Variants in NREP observed in about 807,000 individuals in gnomAD.
NREP encodes the protein neuronal regeneration related protein, also known as neuronal regeneration-related protein.
Under a neutral mutation model 8.6 loss-of-function variants are expected in NREP, and 5 were observed. The observed-to-expected ratio is 0.58, with a 90% CI of 0.30 to 1.22. The LOEUF (loss-of-function observed/expected upper bound fraction) is 1.22. Among genes scored for constraint, NREP ranks in the 50% most tolerant of loss-of-function variants. The pLI is 0.07. For synonymous variants in NREP, 27 were observed against 28.0 expected, an observed-to-expected ratio of 0.96 and a Z score of 0.11; for missense variants, 86 against 82.5, an observed-to-expected ratio of 1.04 and a Z score of -0.17.
chr5:111,859,778 C>A (rs960711894), intron 2 of NREP, among the ~76,000 whole-genome samples: 1 of 152,012 alleles, frequency 6.6e-6, no homozygotes. Flanking sequence ...CTTTATCTGT[C>A]CAGTCTTTTT....
intron 3 of NREP, chr5:111,731,834 A>G (rs941773145): frequency 1.3e-5 from 2 of 152,378 alleles, no homozygotes; most frequent in Non-Finnish European, 2.9e-5. Context: ...CTTCCCGGAC[A>G]CACTGCTGCA....
chr5:111,964,890 A>AAAAAAAAAAAAAT, intron 2 of NREP, among the ~76,000 whole-genome samples: 1 of 135,848 alleles, frequency 7.4e-6, no homozygotes, highest in Non-Finnish European at 1.5e-5. Flanking sequence ...AAAAAAAAAA[A>AAAAAAAAAAAAAT]AAAAAGAAAC....
chr5:111,975,024 TG>T (rs1288016855), intron 2 of NREP, among the ~76,000 whole-genome samples: 1 of 152,098 alleles, frequency 6.6e-6, no homozygotes, highest in African/African-American at 2.4e-5. Flanking sequence ...GGACTTGGGA[TG>T]GATGCTAAGT....
At chr5:111,939,509 A>T (rs749204603) in intron 2 of NREP, among the ~76,000 whole-genome samples, 1 of 151,962 alleles carries the variant, frequency 6.6e-6, no homozygotes, top group South Asian at 2.1e-4. Context: ...GTAACCCTGA[A>T]ATCAGTATTT....
intron 2 of NREP, among the ~76,000 whole-genome samples, chr5:111,920,671 A>T (rs1283442768): frequency 6.6e-6 from 1 of 152,168 alleles, no homozygotes; most frequent in East Asian, 1.9e-4. Context: ...CTTCATTTAC[A>T]TAAGGCATGA....
chr5:111,757,214 G>A (rs1021666189), upstream of NREP: 7 of 890,670 alleles, frequency 7.9e-6, no homozygotes, highest in African/African-American at 1.3e-4. Context: ...AGGGCAACAT[G>A]CTAGAAAGAC....
chr5:111,748,834 C>T (rs1009038040), intron 2 of NREP, among the ~76,000 whole-genome samples: 6 of 152,140 alleles, frequency 3.9e-5, no homozygotes, highest in Admixed American at 2.0e-4. Context: ...GGTCAATATT[C>T]TTCTATCAAG....
intron 2 of NREP, among the ~76,000 whole-genome samples, chr5:111,974,875 T>C (rs1012224465): frequency 6.6e-6 from 1 of 152,184 alleles, no homozygotes; most frequent in East Asian, 1.9e-4. Context: ...AGCTAAGACA[T>C]ACCGTCTCAG....
intron 2 of NREP, among the ~76,000 whole-genome samples, chr5:111,807,557 C>T (rs754863679): frequency 6.6e-6 from 1 of 151,548 alleles, no homozygotes; most frequent in African/African-American, 2.4e-5. Context: ...GTTTTAAAGA[C>T]AATTTTTAGA....
At position 111,755,129 on chromosome 5, in the gene NREP, C is replaced by T. The variant is rs1750619350; in HGVS notation, c.3+641G>A. On this transcript the variant is annotated intron_variant, in intron 2 of 3. Coordinates refer to ENST00000257435, the MANE Select transcript of NREP (RefSeq NM_004772.4). ...TCCTTCTGTTTCCTTAATCAGTAAT[C>T]AAACATTAAACTGCATTCTCTGTGG... 2.0e-5 allele frequency among the ~76,000 whole-genome samples: 3 copies of T among 152,180 alleles called. No homozygotes were observed. In the South Asian group the frequency reaches 6.2e-4, roughly 32 times the overall value.
At chr5:111,783,332 T>TA (rs1275349624) in intron 2 of NREP, among the ~76,000 whole-genome samples, 1 of 152,208 alleles carries the variant, frequency 6.6e-6, no homozygotes, top group African/African-American at 2.4e-5. Context: ...CTTAAATGGT[T>TA]AAAAATCTTC....
intron 2 of NREP, among the ~76,000 whole-genome samples, chr5:111,962,354 A>C (rs954607173): frequency 2.4e-4 from 36 of 152,132 alleles, no homozygotes; most frequent in Admixed American, 2.2e-3. Flanking sequence ...CACAAAGAGC[A>C]CCCCTGGCAT....
chr5:111,893,094 A>G (rs949295813), intron 2 of NREP, among the ~76,000 whole-genome samples: 1 of 152,196 alleles, frequency 6.6e-6, no homozygotes, highest in African/African-American at 2.4e-5. Context: ...TTGGTGTATG[A>G]CAGTTGCAGC....
upstream of NREP, among the ~76,000 whole-genome samples, chr5:111,760,713 G>A (rs112357493): frequency 1.3e-5 from 2 of 152,254 alleles, no homozygotes; most frequent in African/African-American, 4.8e-5. Context: ...GGCAGATCAT[G>A]AGCTAAGAAA....
At chr5:111,933,469 TG>T (rs1312255333) in intron 2 of NREP, among the ~76,000 whole-genome samples, 2 of 152,124 alleles carry the variant, frequency 1.3e-5, no homozygotes, top group African/African-American at 2.4e-5. Context: ...AATTGCACCT[TG>T]GCCCTAGTGG....
chr5:111,819,816 T>C (rs940129789), intron 2 of NREP, among the ~76,000 whole-genome samples: 3 of 152,236 alleles, frequency 2.0e-5, no homozygotes, highest in Non-Finnish European at 4.4e-5. Flanking sequence ...AAGAGGCACA[T>C]TGTGGCCTTC....
intron 2 of NREP, among the ~76,000 whole-genome samples, chr5:111,915,607 C>A (rs1352557745): frequency 6.6e-6 from 1 of 152,118 alleles, no homozygotes; most frequent in African/African-American, 2.4e-5. Flanking sequence ...CCAGCAGACA[C>A]AGCTACCATT....
chr5:111,854,923 T>G (rs1280612844), intron 2 of NREP, among the ~76,000 whole-genome samples: 1 of 152,194 alleles, frequency 6.6e-6, no homozygotes, highest in East Asian at 1.9e-4. Flanking sequence ...TTAGTTGTTT[T>G]ATTTTTAATA....
At position 111,784,427 on chromosome 5, in the gene NREP, A is replaced by G. The variant is rs552009585; in HGVS notation, c.136-48920T>C. On this transcript the variant is annotated intron_variant, in intron 2 of 3. Transcript: ENST00000395634. ...TAGTTATCTTTGCCTCATATGGGGGAAAAAGAAGCAATATTTATTAGGAAC... is the reference window on the plus strand; with the variant it reads ...TAGTTATCTTTGCCTCATATGGGGGGAAAAGAAGCAATATTTATTAGGAAC... 1.6e-3 allele frequency among the ~76,000 whole-genome samples: 248 copies of G among 152,242 alleles called. 1 individual carries two copies. The highest frequency in any genetic ancestry group is 5.8e-3 in the African/African-American group (242 of 41,548).
Sources: gnomAD v4.1 joint callset for allele counts (sites outside exome capture counted in the v4.1 genomes callset) on GRCh38, gnomAD v4.1.1 for gene constraint, MANE v1.5 for transcripts, NCBI Gene and HGNC (gene_info 2026-07-23, HGNC 2026-07-21) for gene names.